The following LRP1B variants were observed in gnomAD, a reference collection of about 807,000 sequenced individuals.
The protein encoded by LRP1B is LDL receptor related protein 1B.
LRP1B carries 217 observed loss-of-function variants against 556.6 expected under a neutral mutation model. The ratio of observed to expected loss-of-function variants is 0.39; its 90% CI spans 0.35 to 0.44. The LOEUF is 0.44. LRP1B is among the 20% of genes least tolerant of loss of function. The pLI, the probability that LRP1B is intolerant of heterozygous loss-of-function variation, is 1.00. For missense variants in LRP1B, 5,053 were observed against 5,620.8 expected (o/e 0.90, Z 3.23); for synonymous variants, 2,047 against 1,865.8 (o/e 1.10, Z -2.50).
chr2:141,940,088 T>C (rs16847700), intron 1 of LRP1B, among the ~76,000 whole-genome samples: 5,262 of 152,198 alleles, frequency 0.035, 114 homozygotes, highest in Middle Eastern at 0.078. Flanking sequence ...CAGACTCAAT[T>C]GCAGTGCAGT....
chr2:142,112,638 C>T (rs900435718), intron 1 of LRP1B, among the ~76,000 whole-genome samples: 1 of 152,086 alleles, frequency 6.6e-6, no homozygotes, highest in Admixed American at 6.6e-5. Context: ...AAACTAGAAT[C>T]TTGACAATAA....
chr2:141,356,555 TG>T (rs1688632368), intron 3 of LRP1B, among the ~76,000 whole-genome samples: 1 of 136,428 alleles, frequency 7.3e-6, no homozygotes, highest in Non-Finnish European at 1.7e-5. Flanking sequence ...TATGATTCTA[TG>T]GTTCCTTTTG....
At chr2:141,839,017 TTTTCA>T (rs1697379922) in intron 1 of LRP1B, among the ~76,000 whole-genome samples, 1 of 152,144 alleles carries the variant, frequency 6.6e-6, no homozygotes, top group Admixed American at 6.5e-5. Context: ...ACATTGATGG[TTTTCA>T]TTTGTTTGTT....
chr2:140,517,089 T>C (rs2104940185), intron 49 of LRP1B, 78 bp from the exon 50 acceptor site: 1 of 995,916 alleles, frequency 1.0e-6, no homozygotes, highest in Admixed American at 1.9e-5. Context: ...TAATACTCCC[T>C]AAACTGAAAG....
At chr2:140,311,920 T>C (rs1226272456) in intron 83 of LRP1B, among the ~76,000 whole-genome samples, 2 of 151,896 alleles carry the variant, frequency 1.3e-5, no homozygotes, top group Non-Finnish European at 2.9e-5. Flanking sequence ...TTACTACATA[T>C]GTTTTGTCAT....
chr2:141,214,756 T>A (rs1682723050), intron 6 of LRP1B, among the ~76,000 whole-genome samples: 1 of 152,148 alleles, frequency 6.6e-6, no homozygotes, highest in Admixed American at 6.5e-5. Flanking sequence ...TCATGGGAAG[T>A]CAGAGACCAA....
intron 1 of LRP1B, among the ~76,000 whole-genome samples, chr2:142,128,546 C>G (rs139899454): frequency 0.013 from 2,051 of 152,254 alleles, 38 homozygotes; most frequent in Non-Finnish European, 0.015. Context: ...AGATTTCTCT[C>G]TTTAAAATTC....
chr2:140,458,646 T>G (rs1573962213), intron 60 of LRP1B, among the ~76,000 whole-genome samples: 1 of 152,122 alleles, frequency 6.6e-6, no homozygotes, highest in Admixed American at 6.5e-5. Context: ...TAATATTTAC[T>G]TCTTTCTTAA....
intron 86 of LRP1B, among the ~76,000 whole-genome samples, chr2:140,250,512 T>G (rs1681365308): frequency 6.6e-6 from 1 of 150,818 alleles, no homozygotes; most frequent in African/African-American, 2.4e-5. Flanking sequence ...GATTTAACAT[T>G]CTTTGACTTC....
At chr2:141,375,918 A>G (rs1417866046) in intron 3 of LRP1B, among the ~76,000 whole-genome samples, 4 of 152,014 alleles carry the variant, frequency 2.6e-5, no homozygotes, top group Admixed American at 2.0e-4. Flanking sequence ...AACTCAACTC[A>G]TAATTAAACT....
intron 7 of LRP1B, among the ~76,000 whole-genome samples, chr2:141,152,302 G>T (rs1468816269): frequency 6.6e-6 from 1 of 151,802 alleles, no homozygotes; most frequent in Non-Finnish European, 1.5e-5. Flanking sequence ...ACAGCATTTC[G>T]GGACAATAAC....
chr2:140,390,746 G>A lies in LRP1B; in HGVS notation c.10415-4737C>T, dbSNP rs569964786. The stretch of plus-strand genomic sequence containing the variant: ...TCTTACACAGCCTACTCATTTGTTG[G>A]CAAAACACTTGAATAGAAACTTCAC... On this transcript the variant is annotated intron_variant, in intron 66 of 90. Coordinates refer to ENST00000389484, the MANE Select transcript of LRP1B (RefSeq NM_018557.3). 2.7e-5 allele frequency among the ~76,000 whole-genome samples: 4 copies of A among 147,226 alleles called. No individual in the cohort carries two copies. In the East Asian group the frequency reaches 8.2e-4, roughly 30 times the overall value.
chr2:140,877,033 G>A (rs1384150262), intron 25 of LRP1B, among the ~76,000 whole-genome samples: 1 of 151,916 alleles, frequency 6.6e-6, no homozygotes, highest in African/African-American at 2.4e-5. Flanking sequence ...GGTTACAAGT[G>A]GGCAAAATAA....
At chr2:141,270,681 T>C (rs769555231) in intron 3 of LRP1B, among the ~76,000 whole-genome samples, 7 of 152,050 alleles carry the variant, frequency 4.6e-5, no homozygotes, top group Non-Finnish European at 1.0e-4. Flanking sequence ...AAATAAGCTG[T>C]CCACAGAAGA....
chr2:140,789,763 T>TGG (rs1690045470), intron 32 of LRP1B, among the ~76,000 whole-genome samples: 1 of 148,930 alleles, frequency 6.7e-6, no homozygotes, highest in African/African-American at 2.5e-5. Flanking sequence ...CCCAAGTAGC[T>TGG]GGGACTACAG....
intron 4 of LRP1B, among the ~76,000 whole-genome samples, chr2:141,253,016 T>G (rs1302020579): frequency 1.3e-5 from 2 of 152,202 alleles, no homozygotes; most frequent in Non-Finnish European, 2.9e-5. Flanking sequence ...CACTCAGGAA[T>G]CTACGTATTT....
chr2:141,122,320 C>A (rs1206760273), intron 7 of LRP1B, among the ~76,000 whole-genome samples: 3 of 151,370 alleles, frequency 2.0e-5, no homozygotes, highest in East Asian at 3.9e-4. Flanking sequence ...AGGCAACCTA[C>A]AGAATGGGAG....
intron 2 of LRP1B, among the ~76,000 whole-genome samples, chr2:141,587,863 T>G (rs1481010657): frequency 6.6e-6 from 1 of 152,192 alleles, no homozygotes; most frequent in Non-Finnish European, 1.5e-5. Flanking sequence ...ACATTACTAT[T>G]ATAAACTAGC....
At chr2:140,473,653 A>T (rs978900653) in intron 60 of LRP1B, among the ~76,000 whole-genome samples, 1 of 151,940 alleles carries the variant, frequency 6.6e-6, no homozygotes, top group South Asian at 2.1e-4. Flanking sequence ...ATGAAAGGCA[A>T]ATATTTAATG....
Sources: gnomAD v4.1 joint callset for allele counts (sites outside exome capture counted in the v4.1 genomes callset) on GRCh38, gnomAD v4.1.1 for gene constraint, MANE v1.5 for transcripts, NCBI Gene and HGNC (gene_info 2026-07-23, HGNC 2026-07-21) for gene names.